The following MICAL2 variants were observed in gnomAD, a reference collection of about 807,000 sequenced individuals.
The protein encoded by MICAL2 is [F-actin]-monooxygenase MICAL2.
MICAL2 carries 77 observed loss-of-function variants against 127.3 expected under a neutral mutation model. The ratio of observed to expected loss-of-function variants is 0.60; its 90% CI spans 0.50 to 0.73. MICAL2 has a LOEUF of 0.73. Among genes scored for constraint, MICAL2 ranks in the 30% least tolerant of loss-of-function variants. The probability of loss-of-function intolerance (pLI) is 0.00; values close to 1 mark genes in which losing one functional copy is unlikely to be tolerated. For missense variants in MICAL2, 1,351 were observed against 1,434.4 expected (o/e 0.94, Z 0.94); for synonymous variants, 570 against 551.1 (o/e 1.03, Z -0.48).
In MICAL2 at chr11:12,312,401, C is replaced by G. The variant is rs1864184565; in HGVS notation, c.5213-7295C>G. 2.0e-5 allele frequency among the ~76,000 whole-genome samples: 3 copies of G among 151,390 alleles called. No individual in the cohort carries two copies. In the South Asian group the frequency reaches 6.3e-4, roughly 32 times the overall value. ...GCTCTAAATTTCTCTCTAATTACTA[C>G]TTTAACTGCATCCCAGTCATTCTGT... On this transcript the variant is annotated intron_variant, in intron 29 of 34. Coordinates refer to the MICAL2 transcript ENST00000646065.
chr11:12,145,599 C>T (rs1852814742), intron 2 of MICAL2, among the ~76,000 whole-genome samples: 1 of 152,192 alleles, frequency 6.6e-6, no homozygotes, highest in Non-Finnish European at 1.5e-5. Context: ...CATGCTGCCT[C>T]TCTGCAGCAC....
At chr11:12,145,118 C>G (rs1225753214) in intron 2 of MICAL2, among the ~76,000 whole-genome samples, 2 of 142,452 alleles carry the variant, frequency 1.4e-5, no homozygotes, top group Non-Finnish European at 3.1e-5. Context: ...GAGGTTGTAC[C>G]TAAGAACTGT....
At position 12,343,197 on chromosome 11, in the gene MICAL2, C is replaced by T. The variant is rs12226099; in HGVS notation, c.5516-6641C>T. 2.6e-3 allele frequency among the ~76,000 whole-genome samples: 403 copies of T among 152,144 alleles called. 14 individuals are homozygous for T. In the East Asian group the frequency reaches 0.064, roughly 24 times the overall value. ...CTGAGGTGGGCGGATCACCTGAGGT[C>T]AGGAGTTCGAGACCAGCCTGGCCAA... On this transcript the variant is annotated intron_variant, in intron 32 of 34. Coordinates refer to the MICAL2 transcript ENST00000646065.
rs755589231 is a variant in MICAL2, at chr11:12,209,628, G to C, written c.691+30G>C. 8.0e-5 allele frequency: 125 copies of C among 1,567,302 alleles called. No individual in the cohort carries two copies. The South Asian group carries it at 1.3e-3, about 16-fold the overall frequency. ...AGACTCTTCTTCTTGGTGTGGGAAT[G>C]GGGGGATGGGAATGGGAGAGGGTAC... On this transcript the variant is annotated intron_variant, in intron 6 of 27. Coordinates refer to ENST00000683283, the MANE Select transcript of MICAL2 (RefSeq NM_001282663.2).
At chr11:12,353,407 C>T (rs191059280) in intron 33 of MICAL2, among the ~76,000 whole-genome samples, 32 of 152,370 alleles carry the variant, frequency 2.1e-4, no homozygotes, top group African/African-American at 7.2e-4. Flanking sequence ...TCCCTGGCTA[C>T]CTTTTTTGTT....
chr11:12,339,371 T>C (rs147736906), intron 32 of MICAL2, among the ~76,000 whole-genome samples: 164 of 152,266 alleles, frequency 1.1e-3, no homozygotes, highest in African/African-American at 3.8e-3. Context: ...TTCAAGGTTT[T>C]TAACTTTTTT....
chr11:12,186,310 C>G (rs1410781498), intron 3 of MICAL2, among the ~76,000 whole-genome samples: 2 of 151,856 alleles, frequency 1.3e-5, no homozygotes, highest in Admixed American at 1.3e-4. Flanking sequence ...AGAAGGAACT[C>G]TCAAAGTTCA....
At chr11:12,169,940 C>T (rs12274943) in intron 3 of MICAL2, among the ~76,000 whole-genome samples, 64,234 of 151,996 alleles carry the variant, frequency 0.42, 14,315 homozygotes, top group East Asian at 0.58. Context: ...ACTTAGATTT[C>T]CCGGGCTTTG....
intron 32 of MICAL2, among the ~76,000 whole-genome samples, chr11:12,338,559 T>G (rs1938806772): frequency 6.6e-6 from 1 of 152,246 alleles, no homozygotes; most frequent in South Asian, 2.1e-4. Context: ...TTGATGGTCT[T>G]TACAATTTGG....
chr11:12,226,169 A>G lies in MICAL2; in HGVS notation c.1689-2A>G. The G allele has an allele frequency of 6.2e-7, 1 of 1,614,132 alleles. No homozygotes were observed. Among genetic ancestry groups the G allele is most frequent in the Non-Finnish European group, 8.5e-7 (1 of 1,179,982 alleles). On this transcript the variant is annotated splice_acceptor_variant, in intron 13 of 27. Coordinates refer to ENST00000683283, the MANE Select transcript of MICAL2 (RefSeq NM_001282663.2). LOFTEE classifies it high-confidence loss of function. ...TTTCTCTGCTTTGTTTTGATTCTCTAGCAACTTTGACTCTTTGAATGAAGA... is the reference window on the plus strand; with the variant it reads ...TTTCTCTGCTTTGTTTTGATTCTCTGGCAACTTTGACTCTTTGAATGAAGA...
intron 3 of MICAL2, among the ~76,000 whole-genome samples, chr11:12,186,923 C>G (rs948763938): frequency 6.6e-6 from 1 of 152,242 alleles, no homozygotes; most frequent in Admixed American, 6.5e-5. Flanking sequence ...GTGTACCCAT[C>G]TGCCCTCCTA....
intron 14 of MICAL2, 66 bp from the exon 15 acceptor site, chr11:12,226,956 ACCT>A (rs1198462133): frequency 1.6e-6 from 2 of 1,268,606 alleles, no homozygotes; most frequent in African/African-American, 3.0e-5. Context: ...CCCAGCCAAC[ACCT>A]CCTTGTTATA....
chr11:12,301,604 G>A (rs2134805229), intron 29 of MICAL2, among the ~76,000 whole-genome samples: 1 of 152,326 alleles, frequency 6.6e-6, no homozygotes, highest in African/African-American at 2.4e-5. Context: ...AGGTTCCAGT[G>A]TAAACTGAGC....
At chr11:12,159,198 C>T (rs892966514) in intron 2 of MICAL2, among the ~76,000 whole-genome samples, 4 of 152,198 alleles carry the variant, frequency 2.6e-5, no homozygotes, top group African/African-American at 4.8e-5. Flanking sequence ...AGCCCGAAGA[C>T]GAAGTTGTTC....
At chr11:12,201,168 G>A (rs555287684) in intron 3 of MICAL2, among the ~76,000 whole-genome samples, 2 of 152,178 alleles carry the variant, frequency 1.3e-5, no homozygotes, top group East Asian at 3.9e-4. Context: ...CAGAGAGGAA[G>A]CACGTGGGCT....
chr11:12,327,638 T>A (rs1488083524), intron 32 of MICAL2, among the ~76,000 whole-genome samples: 4 of 151,818 alleles, frequency 2.6e-5, no homozygotes, highest in African/African-American at 4.8e-5. Flanking sequence ...TTGGTAGTAA[T>A]TCAAAACTCA....
At chr11:12,317,884 C>T (rs757200752) in intron 29 of MICAL2, among the ~76,000 whole-genome samples, 3 of 151,962 alleles carry the variant, frequency 2.0e-5, no homozygotes, top group African/African-American at 2.4e-5. Context: ...TCTTTCTTGC[C>T]GGAAGTGTAA....
chr11:12,247,346 T>G (rs1433480747), intron 21 of MICAL2, among the ~76,000 whole-genome samples: 1 of 152,200 alleles, frequency 6.6e-6, no homozygotes, highest in Non-Finnish European at 1.5e-5. Flanking sequence ...TTTTAAAAAA[T>G]TCTTTCTCCC....
At chr11:12,351,228 A>C (rs573234583) in intron 33 of MICAL2, among the ~76,000 whole-genome samples, 6 of 152,230 alleles carry the variant, frequency 3.9e-5, no homozygotes, top group African/African-American at 1.2e-4. Flanking sequence ...ACACTAACCA[A>C]CCCCAGAATT....
Sources: allele counts gnomAD v4.1 joint callset (sites outside exome capture counted in the v4.1 genomes callset), GRCh38; gene constraint gnomAD v4.1.1; transcripts MANE v1.5; gene names NCBI Gene and HGNC (gene_info 2026-07-23, HGNC 2026-07-21).